CTNND2: variants seen among roughly 807,000 people sequenced by gnomAD.
CTNND2 encodes the protein catenin delta-2.
Under a neutral mutation model 144.4 loss-of-function variants are expected in CTNND2, and 22 were observed. The observed-to-expected ratio is 0.15, with a 90% CI of 0.11 to 0.22. The LOEUF is 0.22. Among genes scored for constraint, CTNND2 ranks in the 10% least tolerant of loss-of-function variants. The pLI is 1.00. For missense variants in CTNND2, 1,353 were observed against 1,618.8 expected (o/e 0.84, Z 2.82); for synonymous variants, 751 against 695.6 (o/e 1.08, Z -1.25).
intron 10 of CTNND2, among the ~76,000 whole-genome samples, chr5:11,210,475 G>A (rs1023558920): frequency 2.0e-5 from 3 of 152,100 alleles, no homozygotes; most frequent in South Asian, 2.1e-4. Context: ...TTCAAATGCC[G>A]GTCTTACTTT....
chr5:11,702,639 T>C (rs969207696), intron 2 of CTNND2, among the ~76,000 whole-genome samples: 3 of 152,316 alleles, frequency 2.0e-5, no homozygotes, highest in African/African-American at 7.2e-5. Flanking sequence ...AGCACAAGGA[T>C]TGCTACACCG....
At chr5:11,731,962 A>G (rs1246000210) in intron 2 of CTNND2, among the ~76,000 whole-genome samples, 174 bp downstream of exon 2, 1 of 152,210 alleles carries the variant, frequency 6.6e-6, no homozygotes, top group African/African-American at 2.4e-5. Context: ...TGCCCAAAAC[A>G]TGGAGTCAAA....
chr5:11,760,774 A>C (rs1181008591), intron 1 of CTNND2, among the ~76,000 whole-genome samples: 1 of 134,730 alleles, frequency 7.4e-6, no homozygotes, highest in Non-Finnish European at 1.6e-5. Flanking sequence ...AGTTAAAAAT[A>C]AAACGAATAC....
chr5:11,164,731 G>A (rs998176204), intron 11 of CTNND2, among the ~76,000 whole-genome samples: 3 of 152,170 alleles, frequency 2.0e-5, no homozygotes, highest in African/African-American at 4.8e-5. Flanking sequence ...CAACTTAAAT[G>A]TGCTAAACTC....
At chr5:11,526,588 A>G (rs1773267222) in intron 3 of CTNND2, among the ~76,000 whole-genome samples, 1 of 152,216 alleles carries the variant, frequency 6.6e-6, no homozygotes, top group African/African-American at 2.4e-5. Flanking sequence ...GCCACACGCC[A>G]GCCCTCTTCT....
At chr5:11,029,666 A>C (rs992576817) in intron 16 of CTNND2, among the ~76,000 whole-genome samples, 3 of 152,234 alleles carry the variant, frequency 2.0e-5, no homozygotes, top group African/African-American at 7.2e-5. Flanking sequence ...TTATGTAGAA[A>C]ATTTCTCTTT....
At chr5:11,075,794 C>T (rs1015969798) in intron 16 of CTNND2, among the ~76,000 whole-genome samples, 14 of 152,248 alleles carry the variant, frequency 9.2e-5, no homozygotes, top group African/African-American at 3.1e-4. Context: ...ACAGTGGCAG[C>T]AGAATGAGTT....
chr5:11,339,756 G>A (rs767423115), intron 9 of CTNND2, among the ~76,000 whole-genome samples: 2 of 152,078 alleles, frequency 1.3e-5, no homozygotes, highest in Admixed American at 6.5e-5. Flanking sequence ...CAGAGAGAAG[G>A]CACCATCTCT....
chr5:11,256,067 C>T (rs543502549), intron 9 of CTNND2, among the ~76,000 whole-genome samples: 1 of 152,358 alleles, frequency 6.6e-6, no homozygotes, highest in East Asian at 1.9e-4. Flanking sequence ...TGCCTGTGTG[C>T]TCTTTGGTGC....
intron 1 of CTNND2, among the ~76,000 whole-genome samples, chr5:11,847,858 C>A (rs1444367958): frequency 6.6e-6 from 1 of 151,974 alleles, no homozygotes; most frequent in Non-Finnish European, 1.5e-5. Context: ...ATAATTATGA[C>A]AACATATCTA....
chr5:11,846,106 T>C (rs1175498945), intron 1 of CTNND2, among the ~76,000 whole-genome samples: 1 of 152,128 alleles, frequency 6.6e-6, no homozygotes, highest in African/African-American at 2.4e-5. Context: ...AATGAAACAT[T>C]AAAAACTCAA....
At chr5:11,600,855 T>TA (rs1208479258) in intron 2 of CTNND2, among the ~76,000 whole-genome samples, 1 of 152,018 alleles carries the variant, frequency 6.6e-6, no homozygotes, top group Non-Finnish European at 1.5e-5. Flanking sequence ...GCATTGGTGG[T>TA]AAAAATGTGG....
intron 3 of CTNND2, among the ~76,000 whole-genome samples, chr5:11,478,690 T>G (rs1581285382): frequency 2.0e-5 from 3 of 152,214 alleles, no homozygotes; most frequent in African/African-American, 7.2e-5. Flanking sequence ...AATTATGCAT[T>G]TTATTTCAGT....
At chr5:11,884,236 C>T (rs1736348272) in intron 1 of CTNND2, among the ~76,000 whole-genome samples, 1 of 152,122 alleles carries the variant, frequency 6.6e-6, no homozygotes, top group African/African-American at 2.4e-5. Context: ...GTGTTTTAGT[C>T]ATGAAGTCTT....
rs1056126847 is a variant in CTNND2 at position 11,588,652 on chromosome 5, A to T, written c.175-23596T>A. On this transcript the variant is annotated intron_variant, in intron 2 of 21. Coordinates refer to ENST00000304623, the MANE Select transcript of CTNND2 (RefSeq NM_001332.4). ...CTTTAACCTGCAGTTTTAAAACTTT[A>T]GTTAAAATTATCACAAAAACAACAT... is the stretch of plus-strand genomic sequence containing the variant. 27 of 608,008 alleles carry T rather than the reference A, an allele frequency of 4.4e-5. No homozygotes were observed. The African/African-American group carries it at 5.4e-4, about 12-fold the overall frequency. 37.7% of individuals were successfully genotyped at this position (608,008 alleles called of 1,614,324 possible). A position where few individuals can be genotyped will look rare whatever the true frequency, so the allele number is the denominator to read the frequency against.
intron 10 of CTNND2, among the ~76,000 whole-genome samples, chr5:11,225,992 A>G (rs1456569979): frequency 6.6e-6 from 1 of 152,204 alleles, no homozygotes; most frequent in Non-Finnish European, 1.5e-5. Context: ...TTAGAGATAA[A>G]GCCAAAGAAT....
chr5:10,984,499 G>A (rs11738898), intron 20 of CTNND2, among the ~76,000 whole-genome samples: 10,810 of 151,966 alleles, frequency 0.071, 528 homozygotes, highest in East Asian at 0.2. Flanking sequence ...ACACTGAGAC[G>A]CTCTCACCAG....
intron 9 of CTNND2, among the ~76,000 whole-genome samples, chr5:11,313,579 G>A (rs1751205122): frequency 1.3e-5 from 2 of 152,122 alleles, no homozygotes; most frequent in Admixed American, 6.5e-5. Context: ...GGGTCTTCCC[G>A]GAATCCTGGG....
chr5:11,077,849 T>C, intron 16 of CTNND2, among the ~76,000 whole-genome samples: 1 of 152,070 alleles, frequency 6.6e-6, no homozygotes, highest in East Asian at 1.9e-4. Flanking sequence ...CCAGATTTGT[T>C]GATAGATTAG....
Sources: gnomAD v4.1 joint callset for allele counts (sites outside exome capture counted in the v4.1 genomes callset) on GRCh38, gnomAD v4.1.1 for gene constraint, MANE v1.5 for transcripts, NCBI Gene and HGNC (gene_info 2026-07-23, HGNC 2026-07-21) for gene names.